Variants in C3orf70 observed in about 807,000 individuals in gnomAD.
The protein encoded by C3orf70 is UPF0524 protein C3orf70.
Under a neutral mutation model 20.7 loss-of-function variants are expected in C3orf70, and 15 were observed. The ratio of observed to expected loss-of-function variants is 0.72; its 90% CI spans 0.48 to 1.11. The LOEUF (loss-of-function observed/expected upper bound fraction) is 1.11. Among genes scored for constraint, C3orf70 ranks in the 50% most tolerant of loss-of-function variants. The probability of loss-of-function intolerance (pLI) is 0.00; values close to 1 mark genes in which losing one functional copy is unlikely to be tolerated. For synonymous variants in C3orf70, 161 were observed against 125.7 expected (o/e 1.28, Z -1.88); for missense variants, 332 against 317.6 (o/e 1.05, Z -0.34).
intron 1 of C3orf70, among the ~76,000 whole-genome samples, chr3:185,104,975 A>G (rs1715898444): frequency 6.6e-6 from 1 of 152,222 alleles, no homozygotes; most frequent in Non-Finnish European, 1.5e-5. Flanking sequence ...AAAAATAAAT[A>G]TCCAGCAACT....
At position 185,126,635 on chromosome 3, in the gene C3orf70, G is replaced by C. The variant is rs868348631; in HGVS notation, c.196+25993C>G. Among the ~76,000 whole-genome samples, 18 of 152,274 alleles carry C rather than the reference G, an allele frequency of 1.2e-4. 1 individual carries two copies. The highest frequency in any genetic ancestry group is 6.8e-3 in the Middle Eastern group (2 of 294). On this transcript the variant is annotated intron_variant, in intron 1 of 1. Transcript: ENST00000335012. ...CGTCTTATCATAAACCCAAGAAATA[G>C]ATATTATCTTCATTTACATTAATGA... is the stretch of plus-strand genomic sequence containing the variant.
chr3:185,083,162 C>T lies in C3orf70; in HGVS notation c.598G>A (p.Val200Met), dbSNP rs746170383. The T allele has an allele frequency of 1.2e-6, 2 of 1,614,174 alleles. No homozygotes were observed. Residue 200 changes from valine to methionine, a missense_variant, in exon 2 of 2, where the codon GTG becomes ATG. Transcript: ENST00000335012. ...TCTGTGTCCTCGTCACACGATTCCA[C>T]ATAGTGAGCCCCAATCGCATTGATC... is the stretch of plus-strand genomic sequence containing the variant. Reference protein sequence around the residue: ...SGINAIGAHYVESCDEDTEEG... With the variant: ...SGINAIGAHYMESCDEDTEEG...
chr3:185,092,315 T>C (rs907072707), intron 1 of C3orf70, among the ~76,000 whole-genome samples: 3 of 152,072 alleles, frequency 2.0e-5, no homozygotes, highest in Non-Finnish European at 2.9e-5. Context: ...TCTAGAGCTT[T>C]TCTTGGCTGC....
intron 1 of C3orf70, among the ~76,000 whole-genome samples, chr3:185,146,774 C>T (rs2108607928): frequency 6.6e-6 from 1 of 152,266 alleles, no homozygotes. Context: ...GAAGTCAGAA[C>T]CTGATTTTGT....
intron 1 of C3orf70, among the ~76,000 whole-genome samples, chr3:185,103,591 A>T (rs999383670): frequency 6.6e-6 from 1 of 152,224 alleles, no homozygotes; most frequent in African/African-American, 2.4e-5. Flanking sequence ...ATATGAAAAA[A>T]AGCTCAACAT....
chr3:185,106,599 CA>C (rs1435196296), intron 1 of C3orf70, among the ~76,000 whole-genome samples: 1 of 152,252 alleles, frequency 6.6e-6, no homozygotes, highest in Non-Finnish European at 1.5e-5. Context: ...TTTTGGGAAA[CA>C]CCATGAGGGC....
At chr3:185,111,417 A>T (rs1716070693) in intron 1 of C3orf70, among the ~76,000 whole-genome samples, 1 of 152,238 alleles carries the variant, frequency 6.6e-6, no homozygotes, top group Admixed American at 6.5e-5. Context: ...TTTTAAAATG[A>T]TCAAAAGGAT....
At chr3:185,120,714 T>TAAAA (rs565950615) in intron 1 of C3orf70, among the ~76,000 whole-genome samples, 2,685 of 72,698 alleles carry the variant, frequency 0.037, 73 homozygotes, top group African/African-American at 0.11. Flanking sequence ...AATCCAAAAC[T>TAAAA]AAAAAAAAAA....
chr3:185,137,587 G>A (rs1300763005), intron 1 of C3orf70, among the ~76,000 whole-genome samples: 1 of 152,104 alleles, frequency 6.6e-6, no homozygotes, highest in East Asian at 1.9e-4. Context: ...ATACAAAGTA[G>A]AATCAAGCGA....
chr3:185,120,767 T>TC (rs1716280717), intron 1 of C3orf70, among the ~76,000 whole-genome samples: 1 of 150,672 alleles, frequency 6.6e-6, no homozygotes, highest in Non-Finnish European at 1.5e-5. Flanking sequence ...AGGGAACACT[T>TC]CTACACTGCT....
chr3:185,138,374 G>A (rs1198717549), intron 1 of C3orf70, among the ~76,000 whole-genome samples: 4 of 151,300 alleles, frequency 2.6e-5, no homozygotes, highest in South Asian at 2.1e-4. Context: ...CGAGAAAATA[G>A]AAGGGGAAAA....
chr3:185,112,152 G>A (rs542149770), intron 1 of C3orf70, among the ~76,000 whole-genome samples: 1 of 151,996 alleles, frequency 6.6e-6, no homozygotes, highest in Admixed American at 6.6e-5. Context: ...AATAAGCCAG[G>A]TGTGGTGGGC....
chr3:185,097,802 G>A (rs940024921), intron 1 of C3orf70, among the ~76,000 whole-genome samples: 5 of 152,232 alleles, frequency 3.3e-5, no homozygotes, highest in South Asian at 2.1e-4. Flanking sequence ...CACATGTGAC[G>A]TTCTAGACAA....
At chr3:185,110,220 A>T (rs992253764) in intron 1 of C3orf70, among the ~76,000 whole-genome samples, 9 of 152,230 alleles carry the variant, frequency 5.9e-5, no homozygotes, top group Admixed American at 5.2e-4. Flanking sequence ...AAGCATCTAG[A>T]AAGACACTCT....
At chr3:185,101,616 A>C (rs927583275) in intron 1 of C3orf70, among the ~76,000 whole-genome samples, 8 of 152,216 alleles carry the variant, frequency 5.3e-5, no homozygotes, top group African/African-American at 1.9e-4. Context: ...GGAAGCAGGT[A>C]CATTTTCACA....
chr3:185,142,285 C>G (rs1716770552), intron 1 of C3orf70, among the ~76,000 whole-genome samples: 1 of 152,080 alleles, frequency 6.6e-6, no homozygotes, highest in African/African-American at 2.4e-5. Flanking sequence ...CAGTGAAACC[C>G]CCCTCTCTAC....
At chr3:185,092,915 C>T (rs56748664) in intron 1 of C3orf70, among the ~76,000 whole-genome samples, 3,650 of 151,592 alleles carry the variant, frequency 0.024, 121 homozygotes, top group African/African-American at 0.083. Flanking sequence ...CGCTTGAACC[C>T]GTAAGGTGGA....
intron 1 of C3orf70, among the ~76,000 whole-genome samples, chr3:185,094,124 C>T (rs533544079): frequency 8.9e-6 from 1 of 112,874 alleles, no homozygotes; most frequent in South Asian, 3.2e-4. Flanking sequence ...GTTACCCAGG[C>T]TGGAGTACAA....
chr3:185,146,800 T>C (rs2108607939), intron 1 of C3orf70, among the ~76,000 whole-genome samples: 1 of 152,298 alleles, frequency 6.6e-6, no homozygotes, highest in South Asian at 2.1e-4. Context: ...TTCCTAGAGT[T>C]GTATAGAAGC....
Sources: allele counts gnomAD v4.1 joint callset (sites outside exome capture counted in the v4.1 genomes callset), GRCh38; gene constraint gnomAD v4.1.1; transcripts MANE v1.5; gene names NCBI Gene and HGNC (gene_info 2026-07-23, HGNC 2026-07-21).